Variants in DCAF1 observed in about 807,000 individuals in gnomAD.
The protein encoded by DCAF1 is DDB1 and CUL4 associated factor 1.
Under a neutral mutation model 128.0 loss-of-function variants are expected in DCAF1, and 15 were observed. The observed-to-expected ratio is 0.12, with a 90% CI of 0.08 to 0.18. DCAF1 has a LOEUF of 0.18. Among genes scored for constraint, DCAF1 ranks in the 10% least tolerant of loss-of-function variants. The pLI, the probability that DCAF1 is intolerant of heterozygous loss-of-function variation, is 1.00. For synonymous variants in DCAF1, 610 were observed against 603.0 expected (o/e 1.01, Z -0.17); for missense variants, 988 against 1,649.5 (o/e 0.60, Z 6.95).
intron 6 of DCAF1, among the ~76,000 whole-genome samples, chr3:51,454,524 G>C (rs1702683674): frequency 6.6e-6 from 1 of 152,000 alleles, no homozygotes; most frequent in Non-Finnish European, 1.5e-5. Flanking sequence ...ACCACACCCG[G>C]CTAATTTTTG....
intron 1 of DCAF1, among the ~76,000 whole-genome samples, chr3:51,499,649 G>A (rs1332828737): frequency 1.3e-5 from 2 of 151,874 alleles, no homozygotes; most frequent in African/African-American, 4.8e-5. Context: ...AGTGGAGGAA[G>A]AACGTGGAGG....
chr3:51,429,620 AGACT>A (rs1700198256), intron 11 of DCAF1, 150 bp from the exon 12 acceptor site: 2 of 618,708 alleles, frequency 3.2e-6, no homozygotes, highest in African/African-American at 3.7e-5. Flanking sequence ...ATGCTTAACA[AGACT>A]GACAAATATC....
In DCAF1 at chr3:51,420,001, A is replaced by G. The variant is rs1699249023; in HGVS notation, c.2969T>C (p.Ile990Thr). ...DHGAYSQSPA[I>T]KKQLDRHLPS... is the part of the protein sequence containing the mutation. Reference sequence around the variant, plus strand: ...AAGATGTCTGTCCAGCTGTTTTTTTATGGCTGGGCTTTGGCTGTAGGCACC... The same window carrying G: ...AAGATGTCTGTCCAGCTGTTTTTTTGTGGCTGGGCTTTGGCTGTAGGCACC... The change falls in exon 15 of 25, where the codon ATA (isoleucine) becomes ACA (threonine). Residue 990 changes from isoleucine (I) to threonine (T), a missense_variant. Ile to Thr is a moderately conservative substitution (Grantham distance 89, BLOSUM62 -1). Coordinates refer to ENST00000684031, the MANE Select transcript of DCAF1 (RefSeq NM_001387579.1). The surrounding 1 kb of genome is among the most constrained non-coding windows in gnomAD (Gnocchi z 6.5). The G allele has an allele frequency of 6.2e-7, 1 of 1,613,962 alleles. No individual in the cohort carries two copies. Among genetic ancestry groups the G allele is most frequent in the Non-Finnish European group, 8.5e-7 (1 of 1,179,872 alleles).
intron 2 of DCAF1, among the ~76,000 whole-genome samples, chr3:51,486,990 A>G (rs576152531): frequency 1.4e-5 from 2 of 138,706 alleles, no homozygotes; most frequent in Admixed American, 1.5e-4. Flanking sequence ...TTTTTTTAAG[A>G]CAGAGTCACA....
chr3:51,420,235 C>G lies in DCAF1; in HGVS notation c.2735G>C (p.Arg912Pro). 1 of 1,613,934 alleles carries G rather than the reference C, an allele frequency of 6.2e-7. No homozygotes were observed. The highest frequency in any genetic ancestry group is 8.5e-7 in the Non-Finnish European group (1 of 1,179,894). ...ACCCACAGCAGCATGGCTGCCCAGACGAGTTGCAATGCCATTAGCGATACG... is the reference window on the plus strand; with the variant it reads ...ACCCACAGCAGCATGGCTGCCCAGAGGAGTTGCAATGCCATTAGCGATACG... ...TPRIANGIAT[R>P]LGSHAAVGAS... Residue 912 changes from arginine (R) to proline (P), a missense_variant, in exon 15 of 25, where the codon CGT (arginine) becomes CCT (proline). By Grantham distance (103) the Arg-to-Pro change is moderately radical (BLOSUM62 -2). Transcript: ENST00000684031. The surrounding 1 kb of genome is among the most constrained non-coding windows in gnomAD (Gnocchi z 6.5).
At chr3:51,477,358 T>C (rs1385037497) in intron 3 of DCAF1, among the ~76,000 whole-genome samples, 1 of 141,926 alleles carries the variant, frequency 7.0e-6, no homozygotes, top group Non-Finnish European at 1.5e-5. Context: ...TTTTAGAAAA[T>C]ATCCAGTAAA....
intron 4 of DCAF1, 83 bp from the exon 5 acceptor site, chr3:51,466,959 TG>T (rs542193007): frequency 1.9e-4 from 226 of 1,179,242 alleles, no homozygotes; most frequent in Admixed American, 1.1e-3. Context: ...GAAAGGCACC[TG>T]GGTTGTTATA....
rs1284090447 is a variant in DCAF1, at chr3:51,422,398, C to G, written c.1881G>C (p.Leu627=). 2.7e-6 allele frequency: 2 copies of G among 733,112 alleles called. No homozygotes were observed. The highest frequency in any genetic ancestry group is 2.5e-6 in the Non-Finnish European group (1 of 393,352). 45.4% of individuals were successfully genotyped at this position (733,112 alleles called of 1,614,324 possible). The change falls in exon 14 of 25, where the codon CTG becomes CTC. Residue 627 remains leucine (L), a synonymous_variant. Transcript: ENST00000684031. Reference sequence around the variant, plus strand: ...TTTTTGGCACCACAGTAAGAATAGCCAGGACATCCAAAGCAAAGCGCACAG... The same window carrying G: ...TTTTTGGCACCACAGTAAGAATAGCGAGGACATCCAAAGCAAAGCGCACAG... ...NDTVRFALDV[L]AILTVVPKIQ...
Position 51,441,845 on chromosome 3 carries a change from A to G in DCAF1, c.566T>C (p.Leu189Ser). ...LRELQLQEVA[L>S]RQENKRPSPR... is the part of the protein sequence containing the mutation. ...ACTGGGACGCTTGTTTTCCTGCCGC[A>G]AAGCCACTTCCTGTAGCTGTAGCTC... Residue 189 changes from leucine to serine, a missense_variant, in exon 8 of 25, where the codon TTG becomes TCG. Physicochemically the swap from Leu to Ser is moderately radical, Grantham distance 145. Coordinates refer to ENST00000684031, the MANE Select transcript of DCAF1 (RefSeq NM_001387579.1). 6.2e-7 allele frequency: 1 copy of G among 1,613,030 alleles called. No individual in the cohort carries two copies. Among genetic ancestry groups the G allele is most frequent in the Non-Finnish European group, 8.5e-7 (1 of 1,179,866 alleles).
chr3:51,499,214 C>G (rs1172995368), intron 1 of DCAF1, among the ~76,000 whole-genome samples: 3 of 152,222 alleles, frequency 2.0e-5, no homozygotes, highest in Non-Finnish European at 2.9e-5. Context: ...TACTATAACC[C>G]CCGGAAATAG....
intron 5 of DCAF1, among the ~76,000 whole-genome samples, chr3:51,463,841 C>T (rs988899820): frequency 4.3e-4 from 65 of 151,896 alleles, no homozygotes; most frequent in African/African-American, 1.5e-3. Context: ...TAAACCTATC[C>T]CCTTCCATAT....
At chr3:51,500,550 TG>T (rs1286478618), upstream of DCAF1, among the ~76,000 whole-genome samples, 1 of 152,180 alleles carries the variant, frequency 6.6e-6, no homozygotes, top group Non-Finnish European at 1.5e-5. Context: ...TGTTTTGTTT[TG>T]TTTTTTTGAG....
chr3:51,495,913 G>A (rs1001818145), intron 2 of DCAF1, among the ~76,000 whole-genome samples: 1 of 151,890 alleles, frequency 6.6e-6, no homozygotes, highest in Non-Finnish European at 1.5e-5. Context: ...AGAACTGCTT[G>A]AGCCTAGGAG....
At position 51,403,486 on chromosome 3, in the gene DCAF1, A is replaced by G. The variant is rs1251326068; in HGVS notation, c.4213-91T>C. ...GGGTCGACCAAAGAGACAGGGTAGG[A>G]AACTGTCAGTAGAGGGTAGTAGTGA... is the stretch of plus-strand genomic sequence containing the variant. On this transcript the variant is annotated intron_variant, in intron 23 of 24. Transcript: ENST00000684031. 5 of 1,505,294 alleles carry G rather than the reference A, an allele frequency of 3.3e-6. No individual in the cohort carries two copies. The African/African-American group carries it at 6.9e-5, about 21-fold the overall frequency. 93.2% of individuals were successfully genotyped at this position (1,505,294 alleles called of 1,614,324 possible).
At chr3:51,428,186 CT>C (rs77357659) in intron 12 of DCAF1, among the ~76,000 whole-genome samples, 11,191 of 149,742 alleles carry the variant, frequency 0.075, 970 homozygotes, top group East Asian at 0.33. Context: ...CAATTTGTGA[CT>C]TTTTTTTTTC....
At chr3:51,479,447 G>A (rs1705886041) in intron 3 of DCAF1, among the ~76,000 whole-genome samples, 1 of 151,732 alleles carries the variant, frequency 6.6e-6, no homozygotes. Flanking sequence ...AGGTTGCAGT[G>A]ACCCGAGATC....
intron 3 of DCAF1, among the ~76,000 whole-genome samples, chr3:51,474,381 T>C (rs1348896142): frequency 6.6e-6 from 1 of 152,074 alleles, no homozygotes; most frequent in African/African-American, 2.4e-5. Flanking sequence ...GATCGTGCCA[T>C]TGCACTCCAG....
intron 23 of DCAF1, among the ~76,000 whole-genome samples, chr3:51,405,919 A>G (rs2090069641): frequency 6.6e-6 from 1 of 152,250 alleles, no homozygotes; most frequent in Non-Finnish European, 1.5e-5. Context: ...CTGTAGTCCC[A>G]GCTACTCAGG....
intron 3 of DCAF1, among the ~76,000 whole-genome samples, chr3:51,479,479 G>A (rs140655199): frequency 8.6e-5 from 13 of 152,046 alleles, no homozygotes; most frequent in East Asian, 1.9e-4. Context: ...CTCCAGCCTC[G>A]GCAACAGAGG....
Sources: allele counts gnomAD v4.1 joint callset (sites outside exome capture counted in the v4.1 genomes callset), GRCh38; gene constraint gnomAD v4.1.1; non-coding constraint Gnocchi (gnomAD v3.1); transcripts MANE v1.5; gene names NCBI Gene and HGNC (gene_info 2026-07-23, HGNC 2026-07-21).